Variants in CASP1 observed in about 807,000 individuals in gnomAD.
CASP1 encodes caspase 1, also known as caspase-1.
In CASP1, 31 loss-of-function variants were observed where a neutral mutation model predicts 41.2. The observed-to-expected ratio is 0.75, with a 90% confidence interval of 0.57 to 1.02. The LOEUF is 1.02. CASP1 is among the 50% of genes least tolerant of loss of function. The pLI is 0.00. For missense variants in CASP1, 490 were observed against 495.7 expected (o/e 0.99, Z 0.11); for synonymous variants, 163 against 166.5 (o/e 0.98, Z 0.16).
At chr11:105,035,347 G>A (rs1863959447), upstream of CASP1, 8 of 554,072 alleles carry the variant, frequency 1.4e-5, no homozygotes, top group Non-Finnish European at 2.6e-5. Flanking sequence ...GGGGCTTGGA[G>A]AGTAAGACAG....
chr11:105,031,207 G>A lies in CASP1; in HGVS notation c.411C>T (p.Ser137=), dbSNP rs1432337019. 1.2e-6 allele frequency: 2 copies of A among 1,612,696 alleles called. No individual in the cohort carries two copies. Among genetic ancestry groups the A allele is most frequent in the African/African-American group, 2.7e-5 (2 of 74,812 alleles). The part of the protein sequence containing the change: ...SGSEGNVKLC[S]LEEAQRIWKQ... ...TCCATATCCTTTGAGCTTCTTCTAG[G>A]GAGCAAAGCTTGACATTCCCTTCTG... is the stretch of plus-strand genomic sequence containing the variant. Residue 137 remains serine, a synonymous_variant, in exon 4 of 9, where the codon TCC becomes TCT. Transcript: ENST00000533400.
At chr11:105,030,990 C>T in intron 4 of CASP1, 175 bp downstream of exon 4, 1 of 558,042 alleles carries the variant, frequency 1.8e-6, no homozygotes. Flanking sequence ...CAATTTGGAC[C>T]TCTTTCTATA....
In CASP1 at chr11:105,030,341, G is replaced by A. The variant is rs376822417; in HGVS notation, c.616C>T (p.Leu206Phe). The change falls in exon 5 of 9, where the codon CTC becomes TTC. Residue 206 changes from leucine to phenylalanine, a missense_variant. Coordinates refer to ENST00000533400, the MANE Select transcript of CASP1 (RefSeq NM_001257118.3). ...ATAATAGAACTTACCGAAGCAGTGAGATTTTTTTTCACATCTACGCTGTAC... is the reference window on the plus strand; with the variant it reads ...ATAATAGAACTTACCGAAGCAGTGAAATTTTTTTTCACATCTACGCTGTAC... The part of the protein sequence containing the change: ...LGYSVDVKKN[L>F]TASDMTTELE... The A allele has an allele frequency of 8.0e-5, 129 of 1,611,774 alleles. No individual in the cohort carries two copies. Among genetic ancestry groups the A allele is most frequent in the Non-Finnish European group, 9.9e-5 (117 of 1,178,930 alleles).
chr11:105,036,319 G>T (rs1864017045), upstream of CASP1, among the ~76,000 whole-genome samples: 1 of 152,108 alleles, frequency 6.6e-6, no homozygotes, highest in Non-Finnish European at 1.5e-5. Context: ...CATTGCTCTA[G>T]GTGCCAGAGG....
intron 7 of CASP1, chr11:105,027,280 A>T: frequency 1.9e-6 from 1 of 539,922 alleles, no homozygotes. Context: ...AACCCAGGAT[A>T]TGCAATACTC....
chr11:105,025,696 A>G lies in CASP1; in HGVS notation c.*562T>C. 2.9e-6 allele frequency: 1 copy of G among 342,022 alleles called. No homozygotes were observed. The highest frequency in any genetic ancestry group is 2.3e-5 in the South Asian group (1 of 42,688). 21.2% of individuals were successfully genotyped at this position (342,022 alleles called of 1,614,324 possible). A position where few individuals can be genotyped will look rare whatever the true frequency, so the allele number is the denominator to read the frequency against. On this transcript the variant is annotated 3_prime_UTR_variant, in exon 9 of 9. Coordinates refer to ENST00000533400, the MANE Select transcript of CASP1 (RefSeq NM_001257118.3). The stretch of plus-strand genomic sequence containing the variant: ...AGTTATACCACCAATGGGAACATAC[A>G]CAATTTTAAAAGGAAAGACCACATG...
chr11:105,029,655 C>A lies in CASP1; in HGVS notation c.862+10G>T. 1 of 1,595,430 alleles carries A rather than the reference C, an allele frequency of 6.3e-7. No homozygotes were observed. Among genetic ancestry groups the A allele is most frequent in the Non-Finnish European group, 8.6e-7 (1 of 1,163,356 alleles). ...GATTGTCTGGTGTTCTCAAAGGCAT[C>A]AGCACTCACCACCACGGCAGGCCTG... On this transcript the variant is annotated intron_variant, in intron 6 of 8. Coordinates refer to ENST00000533400, the MANE Select transcript of CASP1 (RefSeq NM_001257118.3).
Position 105,025,617 on chromosome 11 carries a change from T to TA in CASP1, c.*640dup, listed in dbSNP as rs1369242597. The stretch of plus-strand genomic sequence containing the variant: ...CTTCACTTCCTATGAGAAAAAGAAA[T>TA]AATTAAAAAAAAAAACATAGGAAAG... On this transcript the variant is annotated 3_prime_UTR_variant, in exon 9 of 9. Transcript: ENST00000533400. The TA allele has an allele frequency of 2.6e-6, 1 of 384,482 alleles. No homozygotes were observed. Among genetic ancestry groups the TA allele is most frequent in the Non-Finnish European group, 5.0e-6 (1 of 199,570 alleles). The allele number at this position is 384,482 out of a possible 1,614,324, so 23.8% of individuals were successfully genotyped here. A position where few individuals can be genotyped will look rare whatever the true frequency, so the allele number is the denominator to read the frequency against.
At chr11:105,032,826 G>A (rs1253675278) in intron 3 of CASP1, among the ~76,000 whole-genome samples, 1 of 152,146 alleles carries the variant, frequency 6.6e-6, no homozygotes. Context: ...AAATAATGAA[G>A]TTTGGTACTT....
At chr11:105,035,774 G>A (rs1863991793), upstream of CASP1, among the ~76,000 whole-genome samples, 1 of 151,792 alleles carries the variant, frequency 6.6e-6, no homozygotes, top group Non-Finnish European at 1.5e-5. Flanking sequence ...TGCCACCATG[G>A]CCAGCTAATA....
intron 2 of CASP1, among the ~76,000 whole-genome samples, chr11:105,033,457 G>T (rs1348060485): frequency 2.6e-5 from 4 of 152,170 alleles, no homozygotes; most frequent in African/African-American, 9.7e-5. Context: ...TTTAGGAAGT[G>T]CCACAGACAT....
In CASP1 at chr11:105,025,950, A is replaced by G; in HGVS notation, c.*308T>C. ...CTTATCCAAAATGCATGCTACCAGA[A>G]GTATTTCAAATTTCAGATATTTTTG... On this transcript the variant is annotated 3_prime_UTR_variant, in exon 9 of 9. Coordinates refer to ENST00000533400, the MANE Select transcript of CASP1 (RefSeq NM_001257118.3). 3.9e-6 allele frequency: 1 copy of G among 258,984 alleles called. No individual in the cohort carries two copies. Among genetic ancestry groups the G allele is most frequent in the Non-Finnish European group, 7.5e-6 (1 of 134,166 alleles). The allele number at this position is 258,984 out of a possible 1,614,324, so 16.0% of individuals were successfully genotyped here. A position where few individuals can be genotyped will look rare whatever the true frequency, so the allele number is the denominator to read the frequency against.
chr11:105,026,981 G>A lies in CASP1; in HGVS notation c.1007-30C>T, dbSNP rs1176327558. On this transcript the variant is annotated intron_variant, in intron 7 of 8. Transcript: ENST00000533400. Reference sequence around the variant, plus strand: ...GGATAAAGCACATTTCAAATCTCAAGACTGGCTCTTGCCTGAAGAAAGAGA... The same window carrying A: ...GGATAAAGCACATTTCAAATCTCAAAACTGGCTCTTGCCTGAAGAAAGAGA... 1.1e-5 allele frequency: 13 copies of A among 1,219,624 alleles called. No individual in the cohort carries two copies. In the East Asian group the frequency reaches 2.1e-4, roughly 20 times the overall value. The allele number at this position is 1,219,624 out of a possible 1,614,324, so 75.6% of individuals were successfully genotyped here.
chr11:105,033,262 T>C, intron 2 of CASP1, 136 bp from the exon 3 acceptor site: 1 of 575,692 alleles, frequency 1.7e-6, no homozygotes. Flanking sequence ...ATGTTAAAGA[T>C]GTTCTTTAAT....
chr11:105,026,784 T>G (rs535847136), intron 8 of CASP1, 58 bp downstream of exon 8: 1 of 878,776 alleles, frequency 1.1e-6, no homozygotes, highest in African/African-American at 1.7e-5. Flanking sequence ...ATGCTTCCAA[T>G]TGCAATAGCC....
At chr11:105,027,734 A>T (rs1863407816) in intron 7 of CASP1, among the ~76,000 whole-genome samples, 1 of 152,090 alleles carries the variant, frequency 6.6e-6, no homozygotes, top group Non-Finnish European at 1.5e-5. Context: ...TTTAACTGAG[A>T]CTTGTTCTAG....
upstream of CASP1, chr11:105,035,162 C>T (rs368205186): frequency 2.3e-5 from 37 of 1,613,384 alleles, no homozygotes; most frequent in Middle Eastern, 1.6e-4. Flanking sequence ...AAGTATGCTT[C>T]GCCTTCCTTT....
chr11:105,026,357 CT>C lies in CASP1; in HGVS notation c.1117-2del. The C allele has an allele frequency of 6.3e-7, 1 of 1,599,770 alleles. No homozygotes were observed. Among genetic ancestry groups the C allele is most frequent in the Non-Finnish European group, 8.6e-7 (1 of 1,168,478 alleles). On this transcript the variant is annotated splice_acceptor_variant, in intron 8 of 8. Transcript: ENST00000533400. LOFTEE classifies it high-confidence loss of function. ...CTGGCTGCTCAAATGAAAATCGAACCTAAAAGAGTAAGGAAAGTCTGTAGCC... is the reference window on the plus strand; with the variant it reads ...CTGGCTGCTCAAATGAAAATCGAACCAAAAGAGTAAGGAAAGTCTGTAGCC...
At chr11:105,027,735 CT>C (rs1284771045) in intron 7 of CASP1, among the ~76,000 whole-genome samples, 1 of 151,998 alleles carries the variant, frequency 6.6e-6, no homozygotes, top group African/African-American at 2.4e-5. Context: ...TTAACTGAGA[CT>C]TGTTCTAGTA....
Sources: allele counts gnomAD v4.1 joint callset (sites outside exome capture counted in the v4.1 genomes callset), GRCh38; gene constraint gnomAD v4.1.1; transcripts MANE v1.5; gene names NCBI Gene and HGNC (gene_info 2026-07-23, HGNC 2026-07-21).